The following DYNC1LI2 variants were observed in gnomAD, a reference collection of about 807,000 sequenced individuals.
DYNC1LI2 encodes the protein cytoplasmic dynein 1 light intermediate chain 2.
DYNC1LI2 carries 19 observed loss-of-function variants against 57.8 expected under a neutral mutation model. The ratio of observed to expected loss-of-function variants is 0.33; its 90% CI spans 0.23 to 0.48. The LOEUF (loss-of-function observed/expected upper bound fraction) is 0.48. DYNC1LI2 is among the 20% of genes least tolerant of loss of function. DYNC1LI2 has a pLI of 0.99. For synonymous variants in DYNC1LI2, 256 were observed against 233.4 expected, an observed-to-expected ratio of 1.10 and a Z score of -0.88; for missense variants, 470 against 604.2, an observed-to-expected ratio of 0.78 and a Z score of 2.33.
At chr16:66,738,639 G>C (rs1021181025) in intron 4 of DYNC1LI2, among the ~76,000 whole-genome samples, 3 of 151,940 alleles carry the variant, frequency 2.0e-5, no homozygotes, top group African/African-American at 7.2e-5. Flanking sequence ...AACTGTGGCA[G>C]GCCAAGGCGG....
intron 7 of DYNC1LI2, chr16:66,730,602 T>C (rs1230157507): frequency 6.3e-6 from 1 of 158,484 alleles, no homozygotes; most frequent in Non-Finnish European, 1.4e-5. Context: ...GAGCTCAGGA[T>C]GGGATGGTTT....
intron 8 of DYNC1LI2, 78 bp downstream of exon 8, chr16:66,730,034 G>A (rs777665024): frequency 1.6e-4 from 200 of 1,271,238 alleles, no homozygotes; most frequent in Admixed American, 1.3e-3. Context: ...GCCCGCTTTG[G>A]CCTCCCAAAG....
At chr16:66,741,959 T>C (rs1386525911) in intron 4 of DYNC1LI2, among the ~76,000 whole-genome samples, 2 of 150,434 alleles carry the variant, frequency 1.3e-5, no homozygotes, top group Non-Finnish European at 2.9e-5. Context: ...TTTTGCTGGA[T>C]TCCAAAATGA....
At chr16:66,750,215 C>G (rs780709692) in intron 2 of DYNC1LI2, among the ~76,000 whole-genome samples, 1 of 152,232 alleles carries the variant, frequency 6.6e-6, no homozygotes, top group Non-Finnish European at 1.5e-5. Flanking sequence ...TGATCCCCCA[C>G]TTCTTGAAGA....
In DYNC1LI2 at chr16:66,742,523, A is replaced by T. The variant is rs1189794556; in HGVS notation, c.444T>A (p.Ser148=). The change falls in exon 4 of 13, where the codon TCT becomes TCA. Residue 148 remains serine, a synonymous_variant. Coordinates refer to ENST00000258198, the MANE Select transcript of DYNC1LI2 (RefSeq NM_006141.3). The stretch of plus-strand genomic sequence containing the variant: ...GTAAAACACTAGCCCATTTCTGCAG[A>T]GATTCCATCACAGTCCAAGGTCTAG... ...DMSRPWTVME[S]LQKWASVLRE... 6.2e-7 allele frequency: 1 copy of T among 1,614,250 alleles called. No individual in the cohort carries two copies. Among genetic ancestry groups the T allele is most frequent in the South Asian group, 1.1e-5 (1 of 91,082 alleles).
intron 4 of DYNC1LI2, among the ~76,000 whole-genome samples, 190 bp from the exon 5 acceptor site, chr16:66,736,434 C>A (rs1246838374): frequency 1.3e-5 from 2 of 152,154 alleles, no homozygotes. Context: ...CTGAAATATT[C>A]AGTGTGAGCT....
intron 4 of DYNC1LI2, among the ~76,000 whole-genome samples, chr16:66,736,654 T>C (rs1423235975): frequency 6.6e-6 from 1 of 152,154 alleles, no homozygotes; most frequent in Non-Finnish European, 1.5e-5. Context: ...TGTGCCACCA[T>C]GCCCAGCTAC....
At chr16:66,733,847 C>T in intron 6 of DYNC1LI2, 1 of 201,370 alleles carries the variant, frequency 5.0e-6, no homozygotes, top group Non-Finnish European at 1.0e-5. Flanking sequence ...GGTGACAGAG[C>T]AGACTCTGTC....
rs753942143 is a variant in DYNC1LI2 at position 66,725,957 on chromosome 16, A to G, written c.1262-13T>C. ...CTTGCTGCATTATCTAAGGAAAATT[A>G]AAGAGAAAAAAAAGCATCATATAAA... On this transcript the variant is annotated splice_polypyrimidine_tract_variant and intron_variant, in intron 11 of 12. Coordinates refer to ENST00000258198, the MANE Select transcript of DYNC1LI2 (RefSeq NM_006141.3). 5.0e-6 allele frequency: 8 copies of G among 1,605,580 alleles called. No individual in the cohort carries two copies. The East Asian group carries it at 1.8e-4, about 36-fold the overall frequency.
At position 66,751,513 on chromosome 16, in the gene DYNC1LI2, T is replaced by C. The variant is rs1168053904; in HGVS notation, c.79A>G (p.Ser27Gly). 6.3e-7 allele frequency: 1 copy of C among 1,588,468 alleles called. No individual in the cohort carries two copies. Among genetic ancestry groups the C allele is most frequent in the Admixed American group, 1.7e-5 (1 of 57,912 alleles). ...PAVAAAGDLTSEEEEGQSLWS... is the reference protein window; with the variant it reads ...PAVAAAGDLTGEEEEGQSLWS... ...AGGCTCTGGCCTTCCTCCTCCTCAC[T>C]GGTCAGGTCGCCGGCGGCCGCCACC... Residue 27 changes from serine (S) to glycine (G), a missense_variant, in exon 1 of 13, where the codon AGT becomes GGT. Transcript: ENST00000258198. The surrounding 1 kb of genome is among the most constrained non-coding windows in gnomAD (Gnocchi z 5.2).
chr16:66,727,216 C>G (rs1277752049), intron 11 of DYNC1LI2, among the ~76,000 whole-genome samples: 2 of 152,106 alleles, frequency 1.3e-5, no homozygotes, highest in African/African-American at 2.4e-5. Flanking sequence ...CTGCATCTGG[C>G]CTACAATAAA....
At position 66,734,218 on chromosome 16, in the gene DYNC1LI2, A is replaced by G; in HGVS notation, c.793T>C (p.Tyr265His). ...QSHLRRFCLQ[Y>H]GAALIYTSVK... ...GCCCCACACAGCGCCCAAAGGATAC[A>G]CTGAAGGCAGAACCTCCGCAGGTGT... The change falls in exon 6 of 13, where the codon TAT becomes CAT. Residue 265 changes from tyrosine (Y) to histidine (H), a missense_variant and splice_region_variant. Tyr to His is a moderately conservative substitution (Grantham distance 83). Coordinates refer to ENST00000258198, the MANE Select transcript of DYNC1LI2 (RefSeq NM_006141.3). 3.1e-6 allele frequency: 5 copies of G among 1,614,110 alleles called. No homozygotes were observed. Among genetic ancestry groups the G allele is most frequent in the Non-Finnish European group, 4.2e-6 (5 of 1,180,014 alleles).
chr16:66,751,575 AC>A lies in DYNC1LI2; in HGVS notation c.16del (p.Val6TrpfsTer7). 1 of 1,570,736 alleles carries A rather than the reference AC, an allele frequency of 6.4e-7. No individual in the cohort carries two copies. The highest frequency in any genetic ancestry group is 2.5e-5 in the East Asian group (1 of 39,512). On this transcript the variant is annotated frameshift_variant, in exon 1 of 13. Coordinates refer to ENST00000258198, the MANE Select transcript of DYNC1LI2 (RefSeq NM_006141.3). LOFTEE classifies it high-confidence loss of function. The surrounding 1 kb of genome is among the most constrained non-coding windows in gnomAD (Gnocchi z 5.2). Reference protein sequence around the residue: MAPVGVEKKLLLGPNG... With the variant: MAPVGXEKKLLLGPNG... ...GGGACCTAGCAGCAGCTTCTTCTCCACCCCCACCGGCGCCATCTTGCCAACT... is the reference window on the plus strand; with the variant it reads ...GGGACCTAGCAGCAGCTTCTTCTCCACCCCACCGGCGCCATCTTGCCAACT...
At chr16:66,750,226 T>C (rs1440578669) in intron 2 of DYNC1LI2, among the ~76,000 whole-genome samples, 1 of 152,174 alleles carries the variant, frequency 6.6e-6, no homozygotes, top group East Asian at 1.9e-4. Context: ...TTCTTGAAGA[T>C]CTCTAAGGGT....
In DYNC1LI2 at chr16:66,736,102, C is replaced by T; in HGVS notation, c.672G>A (p.Gly224=). Residue 224 remains glycine, a synonymous_variant, in exon 5 of 13, where the codon GGG becomes GGA. Coordinates refer to ENST00000258198, the MANE Select transcript of DYNC1LI2 (RefSeq NM_006141.3). ...TTGTGCACACCACCAACACCGGGAT[C>T]CCCAGGTTATGAGTCAGCACATTGT... is the stretch of plus-strand genomic sequence containing the variant. ...LGDNVLTHNL[G]IPVLVVCTKC... 1 of 1,614,114 alleles carries T rather than the reference C, an allele frequency of 6.2e-7. No homozygotes were observed. The highest frequency in any genetic ancestry group is 8.5e-7 in the Non-Finnish European group (1 of 1,180,024).
intron 9 of DYNC1LI2, among the ~76,000 whole-genome samples, chr16:66,728,731 A>G (rs1380479748): frequency 6.6e-6 from 1 of 152,236 alleles, no homozygotes; most frequent in Non-Finnish European, 1.5e-5. Context: ...TGGTCAGGTT[A>G]CTTGGTTAAC....
In DYNC1LI2 at chr16:66,723,748, T is replaced by C. The variant is rs1325574818; in HGVS notation, c.1453A>G (p.Asn485Asp). The change falls in exon 13 of 13, where the codon AAC becomes GAC. Residue 485 changes from asparagine to aspartate, a missense_variant. Transcript: ENST00000258198. ...CAGGCTTCATTTTCTGTTGAAGAGT[T>C]TGTTACCATAGAGTCTGGCTTTCGA... Reference protein sequence around the residue: ...MTRKPDSMVTNSSTENEA With the variant: ...MTRKPDSMVTDSSTENEA 1 of 1,609,574 alleles carries C rather than the reference T, an allele frequency of 6.2e-7. No individual in the cohort carries two copies. The highest frequency in any genetic ancestry group is 8.5e-7 in the Non-Finnish European group (1 of 1,178,996).
At chr16:66,745,738 T>TA (rs1313037887) in intron 3 of DYNC1LI2, among the ~76,000 whole-genome samples, 1 of 151,620 alleles carries the variant, frequency 6.6e-6, no homozygotes, top group Non-Finnish European at 1.5e-5. Context: ...ACCCCATCTC[T>TA]ACAAAAGATA....
intron 11 of DYNC1LI2, 37 bp downstream of exon 11, chr16:66,727,651 T>C (rs779678256): frequency 6.8e-6 from 11 of 1,606,590 alleles, no homozygotes; most frequent in South Asian, 3.3e-5. Context: ...AAAACTAAAC[T>C]ACTCTCCAAA....
Sources: allele counts gnomAD v4.1 joint callset (sites outside exome capture counted in the v4.1 genomes callset), GRCh38; gene constraint gnomAD v4.1.1; non-coding constraint Gnocchi (gnomAD v3.1); transcripts MANE v1.5; gene names NCBI Gene and HGNC (gene_info 2026-07-23, HGNC 2026-07-21).